Variants in ZNF160 observed in about 807,000 individuals in gnomAD.
ZNF160 encodes the protein zinc finger protein 160.
A neutral mutation model predicts 13.1 loss-of-function variants in ZNF160; 9 were observed. That is an observed-to-expected ratio of 0.69 (90% CI 0.41 to 1.20). The LOEUF (loss-of-function observed/expected upper bound fraction) is 1.20. Ranked by LOEUF, ZNF160 falls within the 50% of genes most tolerant of loss-of-function variation. The pLI, the probability that ZNF160 is intolerant of heterozygous loss-of-function variation, is 0.01. For synonymous variants in ZNF160, 293 were observed against 333.2 expected (o/e 0.88, Z 1.31); for missense variants, 838 against 988.0 (o/e 0.85, Z 2.04).
chr19:53,085,206 G>A, intron 3 of ZNF160: 1 of 985,420 alleles, frequency 1.0e-6, no homozygotes, highest in Middle Eastern at 5.2e-4. Context: ...GTAGAAAAGT[G>A]AGCTCCTGTT....
chr19:53,093,498 A>G (rs2085111313), intron 1 of ZNF160: 1 of 152,140 alleles, frequency 6.6e-6, no homozygotes, highest in African/African-American at 2.4e-5. Context: ...GCTATCTGCT[A>G]GGATTACAGG....
Position 53,101,981 on chromosome 19 carries a change from T to C in ZNF160, c.-354+1284A>G, listed in dbSNP as rs138252336. Among the ~76,000 whole-genome samples, 12 of 152,266 alleles carry C rather than the reference T, an allele frequency of 7.9e-5. No individual in the cohort carries two copies. The East Asian group carries it at 2.1e-3, about 27-fold the overall frequency. ...CTGGCCCCAGGGCGCCCCTCTTTCT[T>C]TATAACTATGTGTTCCTCTCCCCCA... is the stretch of plus-strand genomic sequence containing the variant. On this transcript the variant is annotated intron_variant, in intron 1 of 5. Coordinates refer to ENST00000683776, the MANE Select transcript of ZNF160 (RefSeq NM_001322131.2).
At position 53,068,105 on chromosome 19, in the gene ZNF160, A is replaced by C. The variant is rs1270803706; in HGVS notation, c.2429T>G (p.Met810Arg). ...TTTGTAAGGTTTCTCTCCGGTATGC[A>C]TTCTGTGATGACTTGCAAGATTTGA... ...QSSNLASHHR[M>R]HTGEKPYK Residue 810 changes from methionine to arginine, a missense_variant, in exon 6 of 6, where the codon ATG (methionine) becomes AGG (arginine). By Grantham distance (91) the Met-to-Arg change is moderately conservative. Coordinates refer to ENST00000683776, the MANE Select transcript of ZNF160 (RefSeq NM_001322131.2). The C allele has an allele frequency of 1.9e-5, 31 of 1,611,874 alleles. No individual in the cohort carries two copies. The highest frequency in any genetic ancestry group is 2.6e-5 in the Non-Finnish European group (31 of 1,178,752).
In ZNF160 at chr19:53,070,415, G is replaced by GT. The variant is rs765945264; in HGVS notation, c.272-154dup. Among the ~76,000 whole-genome samples, 354 of 144,800 alleles carry GT rather than the reference G, an allele frequency of 2.4e-3. 2 individuals carry two copies. The highest frequency in any genetic ancestry group is 0.016 in the South Asian group (72 of 4,582). The allele number at this position is 144,800 out of a possible 152,430, so 95.0% of individuals were successfully genotyped here. On this transcript the variant is annotated intron_variant, in intron 5 of 5. Coordinates refer to ENST00000683776, the MANE Select transcript of ZNF160 (RefSeq NM_001322131.2). Reference sequence around the variant, plus strand: ...AATTTCAATTGTTAGGAACAAAAATGTTTTTTTTTTTTTGAGACGGAGTCT... The same window carrying GT: ...AATTTCAATTGTTAGGAACAAAAATGTTTTTTTTTTTTTTGAGACGGAGTCT...
Position 53,069,636 on chromosome 19 carries a change from G to A in ZNF160, c.898C>T (p.Leu300=). 1.2e-6 allele frequency: 2 copies of A among 1,613,876 alleles called. No homozygotes were observed. Among genetic ancestry groups the A allele is most frequent in the Non-Finnish European group, 8.5e-7 (1 of 1,179,796 alleles). The change falls in exon 6 of 6, where the codon CTA becomes TTA. Residue 300 remains leucine, a synonymous_variant. Coordinates refer to ENST00000683776, the MANE Select transcript of ZNF160 (RefSeq NM_001322131.2). The surrounding 1 kb of genome is among the most constrained non-coding windows in gnomAD (Gnocchi z 4.4). ...GTATGGATGACCTGATGAATAGTTA[G>A]ATTTGAACGAACAGTAAAGGTTTTG... ...CGKTFTVRSN[L]TIHQVIHTGE...
intron 3 of ZNF160, among the ~76,000 whole-genome samples, chr19:53,083,925 T>A (rs2084731495): frequency 6.6e-6 from 1 of 152,130 alleles, no homozygotes; most frequent in African/African-American, 2.4e-5. Context: ...TTTTTTCTCT[T>A]ATTTTCTCCT....
chr19:53,072,103 T>C (rs1350039731), intron 5 of ZNF160, among the ~76,000 whole-genome samples: 2 of 141,848 alleles, frequency 1.4e-5, no homozygotes, highest in Non-Finnish European at 1.5e-5. Context: ...ATTTCTTTCT[T>C]TCTTTTTTTT....
intron 3 of ZNF160, among the ~76,000 whole-genome samples, chr19:53,084,262 T>A (rs1048437569): frequency 5.9e-5 from 9 of 152,234 alleles, no homozygotes; most frequent in African/African-American, 2.2e-4. Context: ...GACACCCACC[T>A]GCTCGCTTCC....
At chr19:53,074,311 C>T in intron 4 of ZNF160, 43 bp from the exon 5 acceptor site, 1 of 1,608,300 alleles carries the variant, frequency 6.2e-7, no homozygotes, top group Non-Finnish European at 8.5e-7. Context: ...GGGGCTTTTC[C>T]AGAATCCCAG....
chr19:53,069,659 T>C lies in ZNF160; in HGVS notation c.875A>G (p.Lys292Arg). Residue 292 changes from lysine to arginine, a missense_variant, in exon 6 of 6, where the codon AAA becomes AGA. Physicochemically the swap from Lys to Arg is conservative, Grantham distance 26. This residue lies in a region of ZNF160 where 387 missense variants were observed against 402.3 expected (regional missense o/e 0.96). Transcript: ENST00000683776. This position sits in a 1 kb window ranked among gnomAD's most constrained non-coding sequence, Gnocchi z 4.4. The part of the protein sequence containing the change: ...EKPYKCSECG[K>R]TFTVRSNLTI... Reference sequence around the variant, plus strand: ...TAGATTTGAACGAACAGTAAAGGTTTTGCCGCACTCACTGCATTTGTAAGG... The same window carrying C: ...TAGATTTGAACGAACAGTAAAGGTTCTGCCGCACTCACTGCATTTGTAAGG... 6.2e-7 allele frequency: 1 copy of C among 1,613,926 alleles called. No individual in the cohort carries two copies. Among genetic ancestry groups the C allele is most frequent in the Non-Finnish European group, 8.5e-7 (1 of 1,179,800 alleles).
In ZNF160 at chr19:53,067,934, G is replaced by A. The variant is rs2084016192; in HGVS notation, c.*143C>T. ...CCTCTGCCACATATGTTTACATGAT[G>A]TCTCTTGCTTATGGCCTCTCATATC... On this transcript the variant is annotated 3_prime_UTR_variant, in exon 6 of 6. Transcript: ENST00000683776. The A allele has an allele frequency of 8.6e-7, 1 of 1,167,382 alleles. No homozygotes were observed. The highest frequency in any genetic ancestry group is 1.2e-6 in the Non-Finnish European group (1 of 836,350). 72.3% of individuals were successfully genotyped at this position (1,167,382 alleles called of 1,614,324 possible).
At chr19:53,077,756 A>G (rs1568485366) in intron 3 of ZNF160, among the ~76,000 whole-genome samples, 1 of 151,308 alleles carries the variant, frequency 6.6e-6, no homozygotes. Flanking sequence ...ATACTAAAGA[A>G]GCAGATATAT....
intron 3 of ZNF160, among the ~76,000 whole-genome samples, chr19:53,078,854 C>T (rs1209502805): frequency 6.7e-6 from 1 of 149,988 alleles, no homozygotes; most frequent in African/African-American, 2.4e-5. Flanking sequence ...AACTCATAAG[C>T]ACTGTACAAT....
At chr19:53,096,272 C>T (rs967860315) in intron 1 of ZNF160, among the ~76,000 whole-genome samples, 1 of 152,174 alleles carries the variant, frequency 6.6e-6, no homozygotes, top group African/African-American at 2.4e-5. Context: ...TTTTTATGGT[C>T]TTCACTTTGG....
At chr19:53,079,315 C>T (rs2084530236) in intron 3 of ZNF160, among the ~76,000 whole-genome samples, 1 of 152,060 alleles carries the variant, frequency 6.6e-6, no homozygotes, top group African/African-American at 2.4e-5. Flanking sequence ...CTTTGGGAGG[C>T]CAAGGCAGGT....
intron 3 of ZNF160, among the ~76,000 whole-genome samples, chr19:53,081,890 G>C (rs1476232776): frequency 6.6e-6 from 1 of 152,056 alleles, no homozygotes; most frequent in African/African-American, 2.4e-5. Flanking sequence ...AAGTGGATCG[G>C]ATAAAGAAAA....
intron 1 of ZNF160, among the ~76,000 whole-genome samples, chr19:53,099,597 A>T (rs2085370312): frequency 6.6e-6 from 1 of 151,928 alleles, no homozygotes; most frequent in African/African-American, 2.4e-5. Context: ...TCTGCCTCTG[A>T]GTCTACACCC....
At chr19:53,073,939 C>T (rs1175054493) in intron 5 of ZNF160, among the ~76,000 whole-genome samples, 1 of 152,130 alleles carries the variant, frequency 6.6e-6, no homozygotes, top group South Asian at 2.1e-4. Flanking sequence ...GCACACGCCA[C>T]CATGCCCGGC....
At chr19:53,094,818 G>A (rs2085160641) in intron 1 of ZNF160, among the ~76,000 whole-genome samples, 1 of 152,168 alleles carries the variant, frequency 6.6e-6, no homozygotes. Context: ...TTTTAGCAGT[G>A]CAATGCTGTT....
Sources: allele counts gnomAD v4.1 joint callset (sites outside exome capture counted in the v4.1 genomes callset), GRCh38; gene constraint gnomAD v4.1.1; regional missense constraint gnomAD v4.1.1; non-coding constraint Gnocchi (gnomAD v3.1); transcripts MANE v1.5; gene names NCBI Gene and HGNC (gene_info 2026-07-23, HGNC 2026-07-21).